The following CDKN2B-AS1 variants were observed in gnomAD, a reference collection of about 807,000 sequenced individuals.
CDKN2B-AS1 encodes the protein CDKN2B antisense RNA 1 (non-protein coding).
intron 4 of CDKN2B-AS1, among the ~76,000 whole-genome samples, chr9:22,123,956 T>C (rs1376245494): frequency 6.6e-6 from 1 of 152,172 alleles, no homozygotes. Flanking sequence ...AAAATATAAA[T>C]AAAAACAAAG....
intron 1 of CDKN2B-AS1, chr9:22,004,433 G>A (rs1821069190): frequency 4.3e-6 from 1 of 232,238 alleles, no homozygotes; most frequent in South Asian, 1.8e-4. Context: ...TTTATGAATT[G>A]CTGGTATTGC....
At chr9:22,092,068 C>T (rs563413458) in intron 4 of CDKN2B-AS1, among the ~76,000 whole-genome samples, 41 of 152,118 alleles carry the variant, frequency 2.7e-4, no homozygotes, top group East Asian at 1.5e-3. Context: ...TTTCTGCATC[C>T]GTTGAGATTA....
chr9:22,031,266 C>G (rs888845333), intron 1 of CDKN2B-AS1, among the ~76,000 whole-genome samples: 1 of 152,110 alleles, frequency 6.6e-6, no homozygotes, highest in Non-Finnish European at 1.5e-5. Context: ...AAAACAAATA[C>G]CTTAAAAGAG....
chr9:22,108,390 A>T (rs952856478), intron 4 of CDKN2B-AS1, among the ~76,000 whole-genome samples: 15 of 152,202 alleles, frequency 9.9e-5, no homozygotes, highest in Non-Finnish European at 1.3e-4. Flanking sequence ...TGGTCATTCA[A>T]TAAGTAGTTA....
At chr9:22,063,604 T>C (rs1385722444) in intron 4 of CDKN2B-AS1, among the ~76,000 whole-genome samples, 2 of 152,300 alleles carry the variant, frequency 1.3e-5, no homozygotes, top group South Asian at 2.1e-4. Flanking sequence ...TGATCCTGTG[T>C]TAGGAGTTTG....
intron 4 of CDKN2B-AS1, among the ~76,000 whole-genome samples, chr9:22,098,408 C>A (rs986290451): frequency 4.0e-5 from 6 of 149,044 alleles, no homozygotes; most frequent in African/African-American, 1.5e-4. Flanking sequence ...TGGGAAATGC[C>A]ATGGGCAAGA....
intron 4 of CDKN2B-AS1, among the ~76,000 whole-genome samples, chr9:22,076,015 G>A (rs1285602688): frequency 6.6e-6 from 1 of 152,102 alleles, no homozygotes; most frequent in Non-Finnish European, 1.5e-5. Context: ...TGATTGATAG[G>A]AAAGTCAAGT....
Position 21,999,499 on chromosome 9 carries a change from T to C in CDKN2B-AS1, n.29+4338T>C, listed in dbSNP as rs1227359318. ...ATGTATACACATGTACACATATATA[T>C]ACATACATATGTATATATGTATTTT... On this transcript the variant is annotated intron_variant and non_coding_transcript_variant, in intron 1 of 4. Coordinates refer to ENST00000650946, the Ensembl canonical transcript of CDKN2B-AS1. The surrounding 1 kb of genome is among the most constrained non-coding windows in gnomAD (Gnocchi z 4.7). 6.6e-6 allele frequency among the ~76,000 whole-genome samples: 1 copy of C among 151,974 alleles called. No homozygotes were observed. Among genetic ancestry groups the C allele is most frequent in the Non-Finnish European group, 1.5e-5 (1 of 67,960 alleles).
At position 22,015,676 on chromosome 9, in the gene CDKN2B-AS1, T is replaced by C. The variant is rs555201867; in HGVS notation, n.29+20515T>C. ...ATTATACTTTAAGTTTTAGGGTACATGTGCACAATGTGCAGGTTAGTTACA... is the reference window on the plus strand; with the variant it reads ...ATTATACTTTAAGTTTTAGGGTACACGTGCACAATGTGCAGGTTAGTTACA... On this transcript the variant is annotated intron_variant and non_coding_transcript_variant, in intron 1 of 4. Coordinates refer to ENST00000650946, the Ensembl canonical transcript of CDKN2B-AS1. Among the ~76,000 whole-genome samples the C allele has an allele frequency of 3.3e-3, 510 of 152,274 alleles. 2 individuals carry two copies. The highest frequency in any genetic ancestry group is 0.011 in the African/African-American group (454 of 41,562).
Position 22,031,442 on chromosome 9 carries a change from C to T in CDKN2B-AS1, n.30-15309C>T, listed in dbSNP as rs77706751. Among the ~76,000 whole-genome samples, 1,372 of 152,158 alleles carry T rather than the reference C, an allele frequency of 9.0e-3. 106 individuals carry two copies. In the East Asian group the frequency reaches 0.2, roughly 22 times the overall value. ...ATACCCATTTTAAAGATGAGAAAAGCAGGTTCATGGATAAAATCTCATAGT... is the reference window on the plus strand; with the variant it reads ...ATACCCATTTTAAAGATGAGAAAAGTAGGTTCATGGATAAAATCTCATAGT... On this transcript the variant is annotated intron_variant and non_coding_transcript_variant, in intron 1 of 4. Transcript: ENST00000650946.
chr9:22,052,820 C>T (rs1587462330), intron 3 of CDKN2B-AS1, among the ~76,000 whole-genome samples: 1 of 152,150 alleles, frequency 6.6e-6, no homozygotes, highest in East Asian at 1.9e-4. Context: ...TGGGGGGTTC[C>T]CCCTCCCAGG....
chr9:22,058,858 GA>G, intron 4 of CDKN2B-AS1: 1 of 210,690 alleles, frequency 4.7e-6, no homozygotes, highest in South Asian at 8.9e-5. Context: ...GGTGGGAGGC[GA>G]AAGGCACTTC....
rs567939224 is a variant in CDKN2B-AS1, at chr9:21,997,384, G to A, written n.29+2223G>A. Among the ~76,000 whole-genome samples, 40 of 151,802 alleles carry A rather than the reference G, an allele frequency of 2.6e-4. No individual in the cohort carries two copies. The highest frequency in any genetic ancestry group is 5.8e-4 in the East Asian group (3 of 5,166). On this transcript the variant is annotated intron_variant and non_coding_transcript_variant, in intron 1 of 4. Coordinates refer to ENST00000650946, the Ensembl canonical transcript of CDKN2B-AS1. The surrounding 1 kb of genome is among the most constrained non-coding windows in gnomAD (Gnocchi z 4.8). ...TGTGACTGTGGTTGACTGAAGCATC[G>A]TTATCCAGCACATGACTCTGTGTGT...
chr9:22,071,285 CTTTTT>C (rs71336509), intron 4 of CDKN2B-AS1, among the ~76,000 whole-genome samples: 47 of 67,568 alleles, frequency 7.0e-4, no homozygotes, highest in African/African-American at 2.5e-3. Flanking sequence ...AAATATCTAG[CTTTTT>C]TTTTTTTTTT....
intron 4 of CDKN2B-AS1, among the ~76,000 whole-genome samples, chr9:22,115,152 C>A (rs1825914437): frequency 6.6e-6 from 1 of 152,162 alleles, no homozygotes; most frequent in South Asian, 2.1e-4. Context: ...AATGTTTGGA[C>A]TCCAAATGCT....
Position 22,039,584 on chromosome 9 carries a change from T to G in CDKN2B-AS1, n.30-7167T>G, listed in dbSNP as rs898168344. Among the ~76,000 whole-genome samples the G allele has an allele frequency of 2.6e-5, 4 of 152,030 alleles. No individual in the cohort carries two copies. The highest frequency in any genetic ancestry group is 1.3e-4 in the Admixed American group (2 of 15,226). The stretch of plus-strand genomic sequence containing the variant: ...ATTTTTGGAATGAGAAAATACAGAT[T>G]ACCACAATCAAAGTAGAATGGCAGC... On this transcript the variant is annotated intron_variant and non_coding_transcript_variant, in intron 1 of 4. Transcript: ENST00000650946. The surrounding 1 kb of genome is among the most constrained non-coding windows in gnomAD (Gnocchi z 4.4).
intron 1 of CDKN2B-AS1, chr9:22,008,749 C>A: frequency 6.2e-7 from 1 of 1,610,458 alleles, no homozygotes; most frequent in Middle Eastern, 1.7e-4. Context: ...CGAGGCCGCG[C>A]CCCGCGTTCG....
intron 4 of CDKN2B-AS1, among the ~76,000 whole-genome samples, chr9:22,087,122 T>C (rs762863035): frequency 6.6e-6 from 1 of 152,232 alleles, no homozygotes; most frequent in Admixed American, 6.5e-5. Flanking sequence ...ACTCCCCTTT[T>C]TCTTGGAAAT....
At chr9:22,092,454 G>C (rs1447529369) in intron 4 of CDKN2B-AS1, 2 of 152,100 alleles carry the variant, frequency 1.3e-5, no homozygotes, top group African/African-American at 4.8e-5. Context: ...ATCTGGTCCT[G>C]GACTTTTTTT....
Sources: gnomAD v4.1 joint callset for allele counts (sites outside exome capture counted in the v4.1 genomes callset) on GRCh38, gnomAD v4.1.1 for gene constraint, Gnocchi (gnomAD v3.1) non-coding constraint, MANE v1.5 for transcripts, NCBI Gene and HGNC (gene_info 2026-07-23, HGNC 2026-07-21) for gene names.